DMXL2: variants seen among roughly 807,000 people sequenced by gnomAD.
DMXL2 encodes dmX-like protein 2.
In DMXL2, 103 loss-of-function variants were observed where a neutral mutation model predicts 331.1. The ratio of observed to expected loss-of-function variants is 0.31; its 90% confidence interval spans 0.27 to 0.37. The LOEUF is 0.37. DMXL2 is among the 10% of genes least tolerant of loss of function. The pLI, the probability that DMXL2 is intolerant of heterozygous loss-of-function variation, is 1.00. For synonymous variants in DMXL2, 1,281 were observed against 1,252.1 expected, an observed-to-expected ratio of 1.02 and a Z score of -0.49; for missense variants, 3,171 against 3,642.9, an observed-to-expected ratio of 0.87 and a Z score of 3.33.
rs138485938 is a variant in DMXL2, at chr15:51,546,859, T to C, written c.746+371A>G. ...CCCTTCAATGTGTGCTTTCCTGTTA[T>C]TTGCAAACATTTTCTTGCTAGGATC... On this transcript the variant is annotated intron_variant, in intron 7 of 43. Transcript: ENST00000560891. Among the ~76,000 whole-genome samples, 346 of 152,258 alleles carry C rather than the reference T, an allele frequency of 2.3e-3. 1 individual carries two copies. Among genetic ancestry groups the C allele is most frequent in the Middle Eastern group, 3.4e-3 (1 of 294 alleles).
At chr15:51,513,555 T>G (rs115342563) in intron 15 of DMXL2, among the ~76,000 whole-genome samples, 2,969 of 152,308 alleles carry the variant, frequency 0.019, 97 homozygotes, top group African/African-American at 0.067. Flanking sequence ...TCAATCTGAT[T>G]TTCACTAAAG....
chr15:51,514,393 C>A, intron 15 of DMXL2, 49 bp downstream of exon 15: 1 of 1,102,874 alleles, frequency 9.1e-7, no homozygotes, highest in South Asian at 1.5e-5. Context: ...ACTTAGAGAT[C>A]ATTTTTTAGC....
At chr15:51,571,126 G>A (rs934563660) in intron 2 of DMXL2, among the ~76,000 whole-genome samples, 3 of 151,944 alleles carry the variant, frequency 2.0e-5, no homozygotes, top group South Asian at 2.1e-4. Flanking sequence ...AAAAAGCAGG[G>A]GTTGCAATCA....
At chr15:51,491,854 CAGAA>C (rs1336786210) in intron 19 of DMXL2, 107 bp from the exon 20 acceptor site, 7 of 971,932 alleles carry the variant, frequency 7.2e-6, no homozygotes, top group East Asian at 5.8e-5. Flanking sequence ...AATTTTGAAG[CAGAA>C]AGAAAGAATG....
chr15:51,537,557 A>G lies in DMXL2; in HGVS notation c.1548T>C (p.Asp516=), dbSNP rs1352695529. 1 of 1,613,776 alleles carries G rather than the reference A, an allele frequency of 6.2e-7. No homozygotes were observed. Among genetic ancestry groups the G allele is most frequent in the Admixed American group, 1.7e-5 (1 of 59,978 alleles). ...PDMLFTIHPV[D]GTFLVWHVKY... The stretch of plus-strand genomic sequence containing the variant: ...TCACATGCCACACTAGAAAGGTACC[A>G]TCTACAGGGTGTATTGTAAAAAGCA... The change falls in exon 11 of 44, where the codon GAT becomes GAC. Residue 516 remains aspartate, a synonymous_variant. Transcript: ENST00000560891.
chr15:51,503,058 C>G, intron 16 of DMXL2, 25 bp from the exon 17 acceptor site: 1 of 1,449,744 alleles, frequency 6.9e-7, no homozygotes, highest in Non-Finnish European at 9.5e-7. Flanking sequence ...TATAAAATTA[C>G]AAAATGTATG....
chr15:51,607,073 G>A (rs541784671), intron 1 of DMXL2, among the ~76,000 whole-genome samples: 3 of 151,772 alleles, frequency 2.0e-5, no homozygotes, highest in Admixed American at 6.6e-5. Context: ...CAGGAGAATC[G>A]CTTGAACCTG....
chr15:51,494,424 G>A (rs189147360), intron 19 of DMXL2, among the ~76,000 whole-genome samples: 3 of 152,186 alleles, frequency 2.0e-5, no homozygotes, highest in East Asian at 1.9e-4. Flanking sequence ...ACTGGGATTC[G>A]CACTCCCAAC....
chr15:51,563,551 G>C, intron 5 of DMXL2, 104 bp from the exon 6 acceptor site: 1 of 651,474 alleles, frequency 1.5e-6, no homozygotes, highest in Non-Finnish European at 2.5e-6. Flanking sequence ...AGAATCCTCA[G>C]AATAAGACTG....
chr15:51,571,886 C>T (rs1170699600), intron 2 of DMXL2, among the ~76,000 whole-genome samples: 1 of 151,946 alleles, frequency 6.6e-6, no homozygotes, highest in African/African-American at 2.4e-5. Flanking sequence ...ACTAGAGAAG[C>T]AAGAGCAAAC....
At chr15:51,545,523 A>C in intron 8 of DMXL2, 60 bp downstream of exon 8, 1 of 1,497,002 alleles carries the variant, frequency 6.7e-7, no homozygotes, top group Admixed American at 1.8e-5. Context: ...TTAGTTCATG[A>C]ATTTCCACCA....
intron 1 of DMXL2, among the ~76,000 whole-genome samples, chr15:51,582,638 T>C (rs565269924): frequency 7.4e-4 from 113 of 152,252 alleles, no homozygotes; most frequent in African/African-American, 2.6e-3. Context: ...CCTAGCTCTT[T>C]ATGATACTCT....
intron 1 of DMXL2, among the ~76,000 whole-genome samples, chr15:51,590,551 G>A (rs1239603323): frequency 6.6e-6 from 1 of 151,528 alleles, no homozygotes; most frequent in Non-Finnish European, 1.5e-5. Flanking sequence ...AATCTGCCTT[G>A]ACTAGTTCCA....
intron 29 of DMXL2, among the ~76,000 whole-genome samples, chr15:51,470,236 A>G (rs1415679928): frequency 1.3e-5 from 2 of 152,094 alleles, no homozygotes; most frequent in African/African-American, 2.4e-5. Context: ...CCTGGACTCA[A>G]GCAATCCTCT....
rs1466174971 is a variant in DMXL2 at position 51,465,639 on chromosome 15, T to C, written c.7533A>G (p.Leu2511=). Residue 2511 remains leucine, a synonymous_variant, in exon 31 of 44, where the codon CTA becomes CTG. Transcript: ENST00000560891. ...QDPNSYSWAL[L]HLTMVKLALH... ...GTGCTAGTTTAACCATTGTCAAATG[T>C]AGAAGAGCCCAGCTGTTCAAGGAGG... 5 of 1,599,698 alleles carry C rather than the reference T, an allele frequency of 3.1e-6. No homozygotes were observed. The highest frequency in any genetic ancestry group is 4.3e-6 in the Non-Finnish European group (5 of 1,174,986).
intron 5 of DMXL2, among the ~76,000 whole-genome samples, chr15:51,563,741 A>G (rs1030563327): frequency 6.6e-6 from 1 of 152,096 alleles, no homozygotes; most frequent in African/African-American, 2.4e-5. Context: ...TGAGCTTATC[A>G]TCATCCCTGA....
intron 39 of DMXL2, 52 bp from the exon 40 acceptor site, chr15:51,455,280 G>C: frequency 6.9e-7 from 1 of 1,453,062 alleles, no homozygotes; most frequent in South Asian, 1.1e-5. Context: ...CCACAGCAAA[G>C]GTAAAAACAT....
chr15:51,551,707 A>C (rs2049232287), intron 6 of DMXL2, among the ~76,000 whole-genome samples: 2 of 152,250 alleles, frequency 1.3e-5, no homozygotes, highest in Admixed American at 1.3e-4. Context: ...CTCAAACAAC[A>C]AGTATTTATT....
At chr15:51,484,540 A>AG (rs1031779664) in intron 23 of DMXL2, among the ~76,000 whole-genome samples, 2 of 152,222 alleles carry the variant, frequency 1.3e-5, no homozygotes. Context: ...CCAACACCTC[A>AG]GGACCTATTC....
Sources: allele counts gnomAD v4.1 joint callset (sites outside exome capture counted in the v4.1 genomes callset), GRCh38; gene constraint gnomAD v4.1.1; transcripts MANE v1.5; gene names NCBI Gene and HGNC (gene_info 2026-07-23, HGNC 2026-07-21).